Variants in ZNF148 observed in about 807,000 individuals in gnomAD.
ZNF148 encodes the protein zinc finger protein 148.
A neutral mutation model predicts 67.7 loss-of-function variants in ZNF148; 7 were observed. The ratio of observed to expected loss-of-function variants is 0.10; its 90% CI spans 0.06 to 0.19. ZNF148 has a LOEUF of 0.19. Ranked by LOEUF, ZNF148 falls within the 10% of genes least tolerant of loss-of-function variation. The pLI is 1.00. For synonymous variants in ZNF148, 333 were observed against 330.7 expected, an observed-to-expected ratio of 1.01 and a Z score of -0.08; for missense variants, 583 against 947.1, an observed-to-expected ratio of 0.62 and a Z score of 5.05.
chr3:125,241,155 T>C (rs1293200648), intron 7 of ZNF148, among the ~76,000 whole-genome samples: 1 of 152,018 alleles, frequency 6.6e-6, no homozygotes, highest in Non-Finnish European at 1.5e-5. Context: ...GATCCCTATT[T>C]ATGGATTAGG....
At chr3:125,240,776 A>AG (rs1936315722) in intron 7 of ZNF148, among the ~76,000 whole-genome samples, 1 of 150,232 alleles carries the variant, frequency 6.7e-6, no homozygotes, top group African/African-American at 2.5e-5. Flanking sequence ...AAAAAAAAAA[A>AG]AAAACCAAAA....
Position 125,232,310 on chromosome 3 carries a change from T to C in ZNF148, c.*31A>G. The C allele has an allele frequency of 6.4e-7, 1 of 1,567,064 alleles. No individual in the cohort carries two copies. The highest frequency in any genetic ancestry group is 8.6e-7 in the Non-Finnish European group (1 of 1,160,548). ...CACTCTTGATTAATCTGTTCTAAAG[T>C]GCCAGTATTATTTACACTTTTTTTT... is the stretch of plus-strand genomic sequence containing the variant. On this transcript the variant is annotated 3_prime_UTR_variant, in exon 9 of 9. Coordinates refer to ENST00000360647, the MANE Select transcript of ZNF148 (RefSeq NM_021964.3). This position sits in a 1 kb window ranked among gnomAD's most constrained non-coding sequence, Gnocchi z 4.2.
At chr3:125,283,641 T>C (rs1298413350) in intron 5 of ZNF148, among the ~76,000 whole-genome samples, 2 of 152,154 alleles carry the variant, frequency 1.3e-5, no homozygotes, top group African/African-American at 4.8e-5. Context: ...TACTTCCTGT[T>C]TGCATCCTCC....
intron 7 of ZNF148, among the ~76,000 whole-genome samples, chr3:125,249,778 C>G (rs770441221): frequency 6.6e-6 from 1 of 152,122 alleles, no homozygotes; most frequent in Non-Finnish European, 1.5e-5. Flanking sequence ...ACCCAAGCGT[C>G]TGTCAATGGA....
In ZNF148 at chr3:125,327,203, T is replaced by C. The variant is rs758898489; in HGVS notation, c.-152-3759A>G. ...CAGTCAAAACATCAGGAAGATATAA[T>C]AACCGTGTATGCACCTAAAAAGAGT... is the stretch of plus-strand genomic sequence containing the variant. On this transcript the variant is annotated intron_variant, in intron 2 of 8. Transcript: ENST00000360647. 2.6e-5 allele frequency among the ~76,000 whole-genome samples: 4 copies of C among 152,144 alleles called. No individual in the cohort carries two copies. In the East Asian group the frequency reaches 5.8e-4, roughly 22 times the overall value.
chr3:125,278,759 AT>A (rs1938209246), intron 6 of ZNF148, among the ~76,000 whole-genome samples: 1 of 152,134 alleles, frequency 6.6e-6, no homozygotes, highest in African/African-American at 2.4e-5. Context: ...GCTATCATTT[AT>A]TTATATTTGA....
intron 1 of ZNF148, among the ~76,000 whole-genome samples, chr3:125,350,546 G>C (rs185162047): frequency 6.6e-6 from 1 of 152,076 alleles, no homozygotes; most frequent in Admixed American, 6.5e-5. Flanking sequence ...CTGGTTTCAC[G>C]GAAGACAATT....
At chr3:125,339,383 T>C (rs1941624507) in intron 1 of ZNF148, among the ~76,000 whole-genome samples, 1 of 152,222 alleles carries the variant, frequency 6.6e-6, no homozygotes, top group Non-Finnish European at 1.5e-5. Flanking sequence ...AGTAACGTAT[T>C]ACGGGAATAG....
chr3:125,255,194 T>C (rs1471867787), intron 7 of ZNF148, among the ~76,000 whole-genome samples: 1 of 151,586 alleles, frequency 6.6e-6, no homozygotes, highest in Non-Finnish European at 1.5e-5. Flanking sequence ...AAATATTCAT[T>C]TACGTTTAGC....
chr3:125,355,942 A>G (rs907394491), intron 1 of ZNF148, among the ~76,000 whole-genome samples: 3 of 152,220 alleles, frequency 2.0e-5, no homozygotes, highest in African/African-American at 7.2e-5. Context: ...GAGATTAATG[A>G]CATTAACTTA....
intron 7 of ZNF148, among the ~76,000 whole-genome samples, chr3:125,243,179 A>G (rs1259229950): frequency 6.6e-6 from 1 of 152,196 alleles, no homozygotes. Flanking sequence ...AGTGCTTTGA[A>G]TGATTTCCTC....
chr3:125,232,744 G>T lies in ZNF148; in HGVS notation c.1982C>A (p.Ser661Ter). ...TGTTCTTAGTGGAGAATTCATTCCT[G>T]ATCGAAAGCTATTGATGGGCATGGT... ...YATMPINSFR[S>*]GMNSPLRTTP... Residue 661 changes from serine to a stop codon, truncating the protein, a stop_gained, in exon 9 of 9, where the codon TCA (serine) becomes TAA (stop). Coordinates refer to ENST00000360647, the MANE Select transcript of ZNF148 (RefSeq NM_021964.3). LOFTEE classifies it high-confidence loss of function. The surrounding 1 kb of genome is among the most constrained non-coding windows in gnomAD (Gnocchi z 4.2). The T allele has an allele frequency of 6.2e-7, 1 of 1,613,816 alleles. No homozygotes were observed. Among genetic ancestry groups the T allele is most frequent in the Non-Finnish European group, 8.5e-7 (1 of 1,179,816 alleles).
At chr3:125,367,785 C>G (rs780346775) in intron 1 of ZNF148, among the ~76,000 whole-genome samples, 10 of 152,164 alleles carry the variant, frequency 6.6e-5, no homozygotes, top group Non-Finnish European at 1.5e-4. Context: ...ATGCTCTTCT[C>G]TCATGAAGGC....
chr3:125,298,189 A>T (rs1315818195), intron 4 of ZNF148, among the ~76,000 whole-genome samples: 1 of 152,180 alleles, frequency 6.6e-6, no homozygotes, highest in African/African-American at 2.4e-5. Context: ...GCTGTGACCA[A>T]AAGGGATTCT....
chr3:125,266,806 C>A (rs1937540937), intron 7 of ZNF148, among the ~76,000 whole-genome samples: 1 of 151,984 alleles, frequency 6.6e-6, no homozygotes, highest in South Asian at 2.1e-4. Flanking sequence ...TGACAGACCA[C>A]TAGCTAGATT....
At chr3:125,372,911 G>A (rs13073553) in intron 1 of ZNF148, among the ~76,000 whole-genome samples, 117,847 of 152,020 alleles carry the variant, frequency 0.78, 46,565 homozygotes, top group African/African-American at 0.92. Context: ...GGTTGCAGTG[G>A]GCCGAGATCA....
chr3:125,336,511 G>C (rs965373675), intron 1 of ZNF148, among the ~76,000 whole-genome samples: 1 of 151,990 alleles, frequency 6.6e-6, no homozygotes, highest in Non-Finnish European at 1.5e-5. Context: ...TATAGTAACT[G>C]CTTTCAAATT....
intron 4 of ZNF148, among the ~76,000 whole-genome samples, chr3:125,308,541 C>A (rs67240044): frequency 0.21 from 3,553 of 16,974 alleles, 105 homozygotes; most frequent in African/African-American, 0.38. Flanking sequence ...AAAAAAAAAA[C>A]AAAAACCTAA....
In ZNF148 at chr3:125,321,578, A is replaced by G. The variant is rs200049112; in HGVS notation, c.-17+1731T>C. 3.3e-5 allele frequency among the ~76,000 whole-genome samples: 5 copies of G among 152,162 alleles called. No homozygotes were observed. In the East Asian group the frequency reaches 9.6e-4, roughly 29 times the overall value. On this transcript the variant is annotated intron_variant, in intron 3 of 8. Transcript: ENST00000360647. ...TTTGTAAAACAATGTAACATCAAGA[A>G]GATAGTAGTATTTAGAAATACTAAA...
Sources: allele counts gnomAD v4.1 joint callset (sites outside exome capture counted in the v4.1 genomes callset), GRCh38; gene constraint gnomAD v4.1.1; non-coding constraint Gnocchi (gnomAD v3.1); transcripts MANE v1.5; gene names NCBI Gene and HGNC (gene_info 2026-07-23, HGNC 2026-07-21).